Variants in MAGI1 observed in about 807,000 individuals in gnomAD.
MAGI1 encodes membrane-associated guanylate kinase, WW and PDZ domain-containing protein 1.
Under a neutral mutation model 139.9 loss-of-function variants are expected in MAGI1, and 58 were observed. The observed-to-expected ratio is 0.41, with a 90% CI of 0.34 to 0.52. The LOEUF (loss-of-function observed/expected upper bound fraction) is 0.52. Among genes scored for constraint, MAGI1 ranks in the 20% least tolerant of loss-of-function variants. The probability of loss-of-function intolerance (pLI) is 0.12; values close to 1 mark genes in which losing one functional copy is unlikely to be tolerated. For missense variants in MAGI1, 1,874 were observed against 1,901.6 expected (o/e 0.99, Z 0.27); for synonymous variants, 812 against 737.9 (o/e 1.10, Z -1.63).
intron 8 of MAGI1, among the ~76,000 whole-genome samples, chr3:65,440,466 T>C (rs1440094953): frequency 1.3e-5 from 2 of 152,122 alleles, no homozygotes; most frequent in Non-Finnish European, 2.9e-5. Context: ...GCTGCTTTAA[T>C]TCAATAAGAA....
At chr3:65,594,786 T>G (rs2082109298) in intron 2 of MAGI1, among the ~76,000 whole-genome samples, 1 of 152,218 alleles carries the variant, frequency 6.6e-6, no homozygotes, top group Non-Finnish European at 1.5e-5. Flanking sequence ...TCTGCAGTAT[T>G]CTGATGGGGG....
intron 1 of MAGI1, among the ~76,000 whole-genome samples, chr3:65,859,367 A>T (rs1438112997): frequency 6.6e-6 from 1 of 151,894 alleles, no homozygotes; most frequent in African/African-American, 2.4e-5. Context: ...CCTACAAATC[A>T]GAAAAAACTG....
At chr3:65,684,407 A>G (rs112438885) in intron 1 of MAGI1, among the ~76,000 whole-genome samples, 93 of 152,290 alleles carry the variant, frequency 6.1e-4, no homozygotes, top group African/African-American at 2.1e-3. Flanking sequence ...CATATCATGA[A>G]ATACTACTCA....
intron 17 of MAGI1, among the ~76,000 whole-genome samples, chr3:65,376,212 T>C (rs2106853083): frequency 1.3e-5 from 2 of 152,332 alleles, no homozygotes; most frequent in Middle Eastern, 3.4e-3. Context: ...GCTTTCCTCC[T>C]TAAACCAATT....
chr3:66,006,857 G>A (rs1212069329), intron 1 of MAGI1, among the ~76,000 whole-genome samples: 1 of 147,300 alleles, frequency 6.8e-6, no homozygotes, highest in Non-Finnish European at 1.5e-5. Context: ...TAGAGATGCA[G>A]TATCACTCTC....
intron 1 of MAGI1, chr3:65,687,971 C>T (rs912149894): frequency 6.8e-5 from 54 of 795,924 alleles, no homozygotes; most frequent in Admixed American, 3.9e-4. Context: ...TTAAAGTTAT[C>T]ATCAGACTAC....
At chr3:65,607,924 C>T (rs551049330) in intron 2 of MAGI1, among the ~76,000 whole-genome samples, 1 of 152,276 alleles carries the variant, frequency 6.6e-6, no homozygotes, top group South Asian at 2.1e-4. Context: ...ACTTAATGAA[C>T]TGTTCACCTA....
intron 1 of MAGI1, among the ~76,000 whole-genome samples, chr3:66,036,066 T>C (rs950409815): frequency 2.6e-5 from 4 of 152,202 alleles, no homozygotes; most frequent in African/African-American, 9.7e-5. Flanking sequence ...TTCTCCAAAA[T>C]GGTCCTGAAC....
At chr3:65,790,546 G>A (rs1454872927) in intron 1 of MAGI1, among the ~76,000 whole-genome samples, 1 of 152,228 alleles carries the variant, frequency 6.6e-6, no homozygotes, top group Non-Finnish European at 1.5e-5. Context: ...TGGTTAGGCA[G>A]AAGACAAAAA....
chr3:65,810,245 C>G (rs1298014955), intron 1 of MAGI1, among the ~76,000 whole-genome samples: 1 of 152,218 alleles, frequency 6.6e-6, no homozygotes, highest in Non-Finnish European at 1.5e-5. Context: ...CCAAGAGGAC[C>G]CTTCTCCCAA....
At chr3:65,930,340 A>T (rs1440836189) in intron 1 of MAGI1, among the ~76,000 whole-genome samples, 1 of 142,094 alleles carries the variant, frequency 7.0e-6, no homozygotes, top group Admixed American at 7.0e-5. Context: ...AAAAAAAAAA[A>T]ATGTTATTTG....
intron 1 of MAGI1, among the ~76,000 whole-genome samples, chr3:65,865,156 A>G (rs2059678808): frequency 6.6e-6 from 1 of 152,222 alleles, no homozygotes; most frequent in Admixed American, 6.5e-5. Context: ...TGTTTACTAA[A>G]AAACCAGAAG....
intron 14 of MAGI1, among the ~76,000 whole-genome samples, chr3:65,388,834 ATTTTT>A (rs35579495): frequency 6.5e-5 from 6 of 91,910 alleles, no homozygotes; most frequent in Admixed American, 5.1e-4. Flanking sequence ...ACCATTCCGA[ATTTTT>A]TTTTTTTTTT....
At chr3:65,432,393 GGAAA>G (rs1376084803) in intron 10 of MAGI1, among the ~76,000 whole-genome samples, 2 of 152,158 alleles carry the variant, frequency 1.3e-5, no homozygotes, top group Admixed American at 6.5e-5. Flanking sequence ...CTGGCACCTA[GGAAA>G]GAAAGTTATT....
In MAGI1 at chr3:65,437,293, C is replaced by A. The variant is rs188469349; in HGVS notation, c.1271-46G>T. 1,083 of 1,208,234 alleles carry A rather than the reference C, an allele frequency of 9.0e-4. 2 individuals are homozygous for A. Among genetic ancestry groups the A allele is most frequent in the Middle Eastern group, 1.9e-3 (10 of 5,204 alleles). 74.8% of individuals were successfully genotyped at this position (1,208,234 alleles called of 1,614,324 possible). On this transcript the variant is annotated intron_variant, in intron 9 of 22. Coordinates refer to ENST00000402939, the MANE Select transcript of MAGI1 (RefSeq NM_001033057.2). Reference sequence around the variant, plus strand: ...TTTCCTATTTTTCCTTCAAATGGCTCATTGAGTTACTTATGATTCACCTTA... The same window carrying A: ...TTTCCTATTTTTCCTTCAAATGGCTAATTGAGTTACTTATGATTCACCTTA...
intron 2 of MAGI1, among the ~76,000 whole-genome samples, chr3:65,515,168 G>C (rs2077802454): frequency 8.8e-6 from 1 of 113,678 alleles, no homozygotes; most frequent in African/African-American, 3.4e-5. Context: ...GTGGGGTGGG[G>C]GGAGGGGGGA....
At chr3:65,941,027 G>T (rs1220233705) in intron 1 of MAGI1, among the ~76,000 whole-genome samples, 1 of 152,160 alleles carries the variant, frequency 6.6e-6, no homozygotes, top group Non-Finnish European at 1.5e-5. Flanking sequence ...AACTATAAAT[G>T]GAACCAAGGT....
At chr3:65,488,435 CA>C (rs1461640255) in intron 3 of MAGI1, among the ~76,000 whole-genome samples, 1 of 151,394 alleles carries the variant, frequency 6.6e-6, no homozygotes, top group Non-Finnish European at 1.5e-5. Context: ...CTCTTGGGTT[CA>C]AGTGATTCTC....
chr3:65,478,411 G>C (rs1308488210), intron 4 of MAGI1, among the ~76,000 whole-genome samples, 181 bp downstream of exon 4: 1 of 152,130 alleles, frequency 6.6e-6, no homozygotes, highest in Non-Finnish European at 1.5e-5. Context: ...TTGTAAAGGG[G>C]CATGAAAAGA....
Sources: allele counts gnomAD v4.1 joint callset (sites outside exome capture counted in the v4.1 genomes callset), GRCh38; gene constraint gnomAD v4.1.1; transcripts MANE v1.5; gene names NCBI Gene and HGNC (gene_info 2026-07-23, HGNC 2026-07-21).